The following SCFD2 variants were observed in gnomAD, a reference collection of about 807,000 sequenced individuals.
SCFD2 encodes the protein sec1 family domain-containing protein 2.
A neutral mutation model predicts 58.9 loss-of-function variants in SCFD2; 54 were observed. The ratio of observed to expected loss-of-function variants is 0.92; its 90% confidence interval spans 0.74 to 1.15. The LOEUF is 1.15. Among genes scored for constraint, SCFD2 ranks in the 50% most tolerant of loss-of-function variants. SCFD2 has a pLI of 0.00. For synonymous variants in SCFD2, 321 were observed against 335.9 expected (o/e 0.96, Z 0.49); for missense variants, 805 against 836.6 (o/e 0.96, Z 0.47).
intron 8 of SCFD2, among the ~76,000 whole-genome samples, chr4:52,875,257 C>T (rs949587486): frequency 6.6e-6 from 1 of 152,184 alleles, no homozygotes; most frequent in African/African-American, 2.4e-5. Context: ...ACCCTTTCTG[C>T]TTCCCTCAGT....
At chr4:53,244,785 A>G (rs948481864) in intron 4 of SCFD2, among the ~76,000 whole-genome samples, 1 of 151,278 alleles carries the variant, frequency 6.6e-6, no homozygotes, top group Admixed American at 6.6e-5. Flanking sequence ...AAAACCATTC[A>G]AAAGATCAAC....
At chr4:53,144,379 G>C (rs1362112039) in intron 5 of SCFD2, among the ~76,000 whole-genome samples, 1 of 149,722 alleles carries the variant, frequency 6.7e-6, no homozygotes, top group Non-Finnish European at 1.5e-5. Context: ...ACACGTGTGT[G>C]TGCATGTGTA....
At chr4:53,347,886 G>C (rs756299598) in intron 2 of SCFD2, among the ~76,000 whole-genome samples, 28 of 152,312 alleles carry the variant, frequency 1.8e-4, no homozygotes, top group Middle Eastern at 3.4e-3. Context: ...GCAGGTGCAG[G>C]GTTAGCGCAG....
At chr4:53,024,921 C>T (rs566936155) in intron 5 of SCFD2, among the ~76,000 whole-genome samples, 1 of 152,162 alleles carries the variant, frequency 6.6e-6, no homozygotes, top group Non-Finnish European at 1.5e-5. Flanking sequence ...CCCCTCTTGA[C>T]TCCCCCTAGA....
At chr4:53,044,464 T>C (rs1722976189) in intron 5 of SCFD2, among the ~76,000 whole-genome samples, 1 of 152,092 alleles carries the variant, frequency 6.6e-6, no homozygotes, top group Non-Finnish European at 1.5e-5. Flanking sequence ...CAGACACTTT[T>C]TGGGGTTCCA....
rs1020459019 is a variant in SCFD2 at position 52,873,887 on chromosome 4, T to C, written c.*82A>G. The stretch of plus-strand genomic sequence containing the variant: ...TCGCAATTAGTGACAGGGACGCTGG[T>C]TGTGGAGGAGTATTTGGAGTGGTGG... On this transcript the variant is annotated 3_prime_UTR_variant, in exon 9 of 9. Transcript: ENST00000401642. 80 of 930,040 alleles carry C rather than the reference T, an allele frequency of 8.6e-5. 3 individuals carry two copies. Among genetic ancestry groups the C allele is most frequent in the Non-Finnish European group, 1.1e-4 (62 of 569,610 alleles). 57.6% of individuals were successfully genotyped at this position (930,040 alleles called of 1,614,324 possible).
chr4:53,092,694 G>C (rs1724508534), intron 5 of SCFD2, among the ~76,000 whole-genome samples: 1 of 151,974 alleles, frequency 6.6e-6, no homozygotes, highest in Non-Finnish European at 1.5e-5. Context: ...GGTATTTAAG[G>C]GGAAAAAAGC....
intron 4 of SCFD2, among the ~76,000 whole-genome samples, chr4:53,190,521 C>T (rs1020997651): frequency 6.6e-6 from 1 of 152,130 alleles, no homozygotes; most frequent in African/African-American, 2.4e-5. Context: ...CTTGACCCTC[C>T]TTTTTACAAT....
chr4:53,201,131 G>A (rs914642033), intron 4 of SCFD2, among the ~76,000 whole-genome samples: 12 of 151,698 alleles, frequency 7.9e-5, no homozygotes, highest in South Asian at 4.2e-4. Flanking sequence ...CCATTAATTC[G>A]TCATTTAGCA....
At chr4:52,951,006 G>C (rs555613406) in intron 5 of SCFD2, 1 of 152,150 alleles carries the variant, frequency 6.6e-6, no homozygotes, top group Admixed American at 6.5e-5. Flanking sequence ...GTAAATTAAA[G>C]GAATTAGAGA....
chr4:53,338,624 A>G (rs1370937561), intron 2 of SCFD2, among the ~76,000 whole-genome samples: 158 of 100,980 alleles, frequency 1.6e-3, no homozygotes, highest in African/African-American at 5.8e-3. Context: ...TCTGTCGCCC[A>G]GGCTGGAGTG....
At chr4:53,189,446 A>G (rs1413550548) in intron 4 of SCFD2, among the ~76,000 whole-genome samples, 2 of 152,196 alleles carry the variant, frequency 1.3e-5, no homozygotes, top group Admixed American at 6.5e-5. Flanking sequence ...ATGGGTTACT[A>G]TAACAAAATA....
chr4:53,268,266 C>T (rs1239110288), intron 4 of SCFD2, among the ~76,000 whole-genome samples: 2 of 151,898 alleles, frequency 1.3e-5, no homozygotes, highest in African/African-American at 4.8e-5. Flanking sequence ...AGGGCATCCA[C>T]GTGGAAGGTG....
intron 4 of SCFD2, among the ~76,000 whole-genome samples, chr4:53,267,423 G>A (rs1207357520): frequency 3.3e-5 from 5 of 152,168 alleles, no homozygotes; most frequent in East Asian, 3.8e-4. Context: ...AGAGCATTCC[G>A]ATGATCAGTT....
intron 7 of SCFD2, among the ~76,000 whole-genome samples, chr4:52,887,419 G>A (rs772352014): frequency 3.3e-5 from 5 of 152,088 alleles, no homozygotes; most frequent in African/African-American, 7.2e-5. Flanking sequence ...AATGCAAAAC[G>A]ACCAATAACT....
chr4:53,093,972 T>C (rs1724545674), intron 5 of SCFD2, among the ~76,000 whole-genome samples: 1 of 152,160 alleles, frequency 6.6e-6, no homozygotes, highest in African/African-American at 2.4e-5. Flanking sequence ...AAATTTTCTT[T>C]AATATTTTTA....
At chr4:53,086,828 C>A (rs1724319546) in intron 5 of SCFD2, among the ~76,000 whole-genome samples, 1 of 151,922 alleles carries the variant, frequency 6.6e-6, no homozygotes, top group African/African-American at 2.4e-5. Context: ...TGCCAAAAAT[C>A]AAAACAATTG....
At chr4:53,112,687 T>C (rs1315675789) in intron 5 of SCFD2, among the ~76,000 whole-genome samples, 1 of 152,128 alleles carries the variant, frequency 6.6e-6, no homozygotes, top group Non-Finnish European at 1.5e-5. Flanking sequence ...CTATTATTTC[T>C]CCAAGTCCTA....
At chr4:52,924,507 A>G (rs79368976) in intron 5 of SCFD2, among the ~76,000 whole-genome samples, 26 of 152,252 alleles carry the variant, frequency 1.7e-4, no homozygotes, top group East Asian at 1.4e-3. Context: ...GATTATGTCT[A>G]TTTTTCAAGC....
Sources: allele counts gnomAD v4.1 joint callset (sites outside exome capture counted in the v4.1 genomes callset), GRCh38; gene constraint gnomAD v4.1.1; transcripts MANE v1.5; gene names NCBI Gene and HGNC (gene_info 2026-07-23, HGNC 2026-07-21).